HS2ST1: variants seen among roughly 807,000 people sequenced by gnomAD.
HS2ST1 encodes heparan sulfate 2-O-sulfotransferase 1, also known as 2-O-sulfotransferase.
In HS2ST1, 18 loss-of-function variants were observed where a neutral mutation model predicts 42.9. The ratio of observed to expected loss-of-function variants is 0.42; its 90% CI spans 0.29 to 0.62. HS2ST1 has a LOEUF of 0.62. Ranked by LOEUF, HS2ST1 falls within the 20% of genes least tolerant of loss-of-function variation. The probability of loss-of-function intolerance (pLI) is 0.21; values close to 1 mark genes in which losing one functional copy is unlikely to be tolerated. For synonymous variants in HS2ST1, 146 were observed against 152.9 expected, an observed-to-expected ratio of 0.95 and a Z score of 0.33; for missense variants, 334 against 433.8, an observed-to-expected ratio of 0.77 and a Z score of 2.04.
chr1:87,015,653 A>T (rs1282460776), intron 1 of HS2ST1, among the ~76,000 whole-genome samples: 1 of 149,878 alleles, frequency 6.7e-6, no homozygotes, highest in Non-Finnish European at 1.5e-5. Context: ...AAGCCCTGTT[A>T]TTTTTTATGT....
intron 1 of HS2ST1, among the ~76,000 whole-genome samples, chr1:86,981,229 T>C (rs1237953838): frequency 6.6e-6 from 1 of 152,032 alleles, no homozygotes; most frequent in Non-Finnish European, 1.5e-5. Flanking sequence ...GGATTACAGG[T>C]CCCTCCCTCA....
At chr1:86,937,862 A>T (rs976665905) in intron 1 of HS2ST1, among the ~76,000 whole-genome samples, 1 of 150,624 alleles carries the variant, frequency 6.6e-6, no homozygotes, top group Non-Finnish European at 1.5e-5. Flanking sequence ...CACCTGTCCT[A>T]CTCTTATTTC....
intron 1 of HS2ST1, among the ~76,000 whole-genome samples, chr1:86,947,228 G>A (rs1457281766): frequency 6.6e-6 from 1 of 152,202 alleles, no homozygotes; most frequent in Non-Finnish European, 1.5e-5. Context: ...ATAGTCTGAA[G>A]CAAAGAGCAT....
At chr1:86,965,700 A>G (rs1050006367) in intron 1 of HS2ST1, among the ~76,000 whole-genome samples, 2 of 152,124 alleles carry the variant, frequency 1.3e-5, no homozygotes, top group Non-Finnish European at 2.9e-5. Context: ...TCTAACCACT[A>G]GGATAAATGA....
intron 1 of HS2ST1, among the ~76,000 whole-genome samples, chr1:87,014,675 T>C (rs1649697800): frequency 6.6e-6 from 1 of 152,122 alleles, no homozygotes; most frequent in South Asian, 2.1e-4. Context: ...ATAAAAACTA[T>C]CATAAAAGAC....
intron 1 of HS2ST1, among the ~76,000 whole-genome samples, chr1:86,959,432 C>T (rs372851486): frequency 6.6e-6 from 1 of 152,100 alleles, no homozygotes; most frequent in Non-Finnish European, 1.5e-5. Context: ...CAGAGGTGGG[C>T]GGATTGCCTG....
At chr1:87,002,159 G>T (rs567713042) in intron 1 of HS2ST1, among the ~76,000 whole-genome samples, 1 of 147,968 alleles carries the variant, frequency 6.8e-6, no homozygotes, top group African/African-American at 2.5e-5. Flanking sequence ...TGATCCACCC[G>T]CTTCAGCCTC....
chr1:87,027,154 T>G (rs7524526), intron 1 of HS2ST1, among the ~76,000 whole-genome samples: 108,065 of 152,056 alleles, frequency 0.71, 40,150 homozygotes, highest in East Asian at 0.97. Flanking sequence ...ACTGTGCAGC[T>G]TCCTGTGTTA....
chr1:87,043,952 A>G (rs1382448045), intron 1 of HS2ST1, among the ~76,000 whole-genome samples: 1 of 152,094 alleles, frequency 6.6e-6, no homozygotes, highest in East Asian at 1.9e-4. Flanking sequence ...GAAGTCTCAG[A>G]GCAAGTAAGG....
chr1:87,083,841 G>A (rs1651751295), intron 2 of HS2ST1, among the ~76,000 whole-genome samples: 1 of 152,176 alleles, frequency 6.6e-6, no homozygotes, highest in Non-Finnish European at 1.5e-5. Context: ...GAATGTTCCT[G>A]TATTGCCTGC....
At chr1:86,917,818 A>T (rs1474963294) in intron 1 of HS2ST1, among the ~76,000 whole-genome samples, 2 of 152,224 alleles carry the variant, frequency 1.3e-5, no homozygotes, top group Non-Finnish European at 2.9e-5. Context: ...TGAATTTCTG[A>T]TACAAAGGAA....
At chr1:86,925,771 A>AT (rs986299774) in intron 1 of HS2ST1, among the ~76,000 whole-genome samples, 3 of 151,928 alleles carry the variant, frequency 2.0e-5, no homozygotes, top group South Asian at 2.1e-4. Context: ...GCTTTTCCTA[A>AT]TTTTTTTTGA....
At position 86,915,076 on chromosome 1, in the gene HS2ST1, C is replaced by G; in HGVS notation, c.40C>G (p.Leu14Val). 6.2e-7 allele frequency: 1 copy of G among 1,614,142 alleles called. No individual in the cohort carries two copies. Among genetic ancestry groups the G allele is most frequent in the Non-Finnish European group, 8.5e-7 (1 of 1,180,000 alleles). Residue 14 changes from leucine to valine, a missense_variant, in exon 1 of 7, where the codon CTG (leucine) becomes GTG (valine). Physicochemically the swap from Leu to Val is conservative, Grantham distance 32. Coordinates refer to ENST00000370550, the MANE Select transcript of HS2ST1 (RefSeq NM_012262.4). Reference sequence around the variant, plus strand: ...GATTATGATGCCGCCCAAGTTGCAGCTGCTGGCGGTGGTGGCCTTCGCGGT... The same window carrying G: ...GATTATGATGCCGCCCAAGTTGCAGGTGCTGGCGGTGGTGGCCTTCGCGGT... ...LRIMMPPKLQ[L>V]LAVVAFAVAM... is the part of the protein sequence containing the mutation.
intron 1 of HS2ST1, among the ~76,000 whole-genome samples, chr1:86,932,782 C>T (rs1033995607): frequency 6.6e-6 from 1 of 152,026 alleles, no homozygotes; most frequent in African/African-American, 2.4e-5. Flanking sequence ...TTGTGGTAAA[C>T]CTGTCTTTCT....
chr1:86,994,739 T>G (rs1419052095), intron 1 of HS2ST1, among the ~76,000 whole-genome samples: 4 of 152,142 alleles, frequency 2.6e-5, no homozygotes, highest in Admixed American at 2.6e-4. Context: ...GAAAACTATA[T>G]TGTTTCTTAA....
At chr1:87,103,313 A>C (rs901283603) in intron 5 of HS2ST1, 119 bp from the exon 6 acceptor site, 26 of 865,884 alleles carry the variant, frequency 3.0e-5, no homozygotes, top group Middle Eastern at 4.6e-4. Context: ...ATAAAGAGGC[A>C]TTGAGGCTTT....
intron 1 of HS2ST1, among the ~76,000 whole-genome samples, chr1:87,066,499 C>G (rs1170509823): frequency 6.6e-6 from 1 of 152,128 alleles, no homozygotes; most frequent in South Asian, 2.1e-4. Flanking sequence ...GCACCACTCC[C>G]CACCCCTGTG....
At chr1:87,008,147 CAAAT>C (rs1487327536) in intron 1 of HS2ST1, among the ~76,000 whole-genome samples, 1 of 152,006 alleles carries the variant, frequency 6.6e-6, no homozygotes, top group African/African-American at 2.4e-5. Flanking sequence ...GTCTTCCTGA[CAAAT>C]AATTTAAGTA....
chr1:87,060,809 T>C (rs1198005963), intron 1 of HS2ST1, among the ~76,000 whole-genome samples: 2 of 152,118 alleles, frequency 1.3e-5, no homozygotes, highest in Non-Finnish European at 2.9e-5. Flanking sequence ...TAGTAAAATA[T>C]AACTCATATT....
Sources: allele counts gnomAD v4.1 joint callset (sites outside exome capture counted in the v4.1 genomes callset), GRCh38; gene constraint gnomAD v4.1.1; transcripts MANE v1.5; gene names NCBI Gene and HGNC (gene_info 2026-07-23, HGNC 2026-07-21).